Variants in TBC1D9 observed in about 807,000 individuals in gnomAD.
The protein encoded by TBC1D9 is TBC1 domain family member 9.
Under a neutral mutation model 132.0 loss-of-function variants are expected in TBC1D9, and 63 were observed. The observed-to-expected ratio is 0.48, with a 90% CI of 0.39 to 0.59. The LOEUF (loss-of-function observed/expected upper bound fraction) is 0.59, where lower values mean the gene tolerates loss of function less well. TBC1D9 is among the 20% of genes least tolerant of loss of function. The pLI is 0.00. For missense variants in TBC1D9, 1,261 were observed against 1,592.7 expected, an observed-to-expected ratio of 0.79 and a Z score of 3.54; for synonymous variants, 610 against 609.9, an observed-to-expected ratio of 1.00 and a Z score of 0.00.
chr4:140,714,987 C>T (rs920814842), intron 1 of TBC1D9, among the ~76,000 whole-genome samples: 1 of 151,982 alleles, frequency 6.6e-6, no homozygotes, highest in Non-Finnish European at 1.5e-5. Context: ...CCAGGTGTGG[C>T]GTTGTGCACC....
At chr4:140,736,327 G>A (rs1738672020) in intron 1 of TBC1D9, among the ~76,000 whole-genome samples, 1 of 152,052 alleles carries the variant, frequency 6.6e-6, no homozygotes, top group Admixed American at 6.6e-5. Flanking sequence ...GATCACTTGA[G>A]GTCAGGAGTT....
At chr4:140,742,626 GT>G in intron 1 of TBC1D9, among the ~76,000 whole-genome samples, 1 of 151,930 alleles carries the variant, frequency 6.6e-6, no homozygotes. Flanking sequence ...AAAGCAGAAG[GT>G]GGGTTATTGA....
intron 9 of TBC1D9, among the ~76,000 whole-genome samples, chr4:140,668,389 C>T (rs572763776): frequency 6.6e-6 from 1 of 152,304 alleles, no homozygotes; most frequent in South Asian, 2.1e-4. Context: ...TCTGAGTAAG[C>T]TTTTATTTCC....
At chr4:140,715,438 C>A (rs1444706051) in intron 1 of TBC1D9, among the ~76,000 whole-genome samples, 2 of 152,204 alleles carry the variant, frequency 1.3e-5, no homozygotes, top group Non-Finnish European at 2.9e-5. Flanking sequence ...CAAAGCCCAG[C>A]AAGTTGAATT....
At chr4:140,674,961 G>A (rs995151267) in intron 6 of TBC1D9, among the ~76,000 whole-genome samples, 7 of 152,016 alleles carry the variant, frequency 4.6e-5, no homozygotes, top group African/African-American at 1.4e-4. Flanking sequence ...CTCCTGCCCC[G>A]GCTTCCCAAA....
intron 1 of TBC1D9, among the ~76,000 whole-genome samples, chr4:140,716,386 G>A (rs1738334639): frequency 6.6e-6 from 1 of 151,964 alleles, no homozygotes; most frequent in South Asian, 2.1e-4. Context: ...AGCTACTTGG[G>A]AGGCTGAGGT....
chr4:140,634,301 G>C lies in TBC1D9; in HGVS notation c.2506-113C>G, dbSNP rs116227898. ...TAGGTGAATCTGTGTGCATCCCCTG[G>C]GGCAGGGCTGTGGCCTCAGGGCCCC... On this transcript the variant is annotated intron_variant, in intron 15 of 20. Coordinates refer to ENST00000442267, the MANE Select transcript of TBC1D9 (RefSeq NM_015130.3). The C allele has an allele frequency of 2.0e-3, 2,919 of 1,451,678 alleles. 53 individuals carry two copies. The African/African-American group carries it at 0.035, about 17-fold the overall frequency. 89.9% of individuals were successfully genotyped at this position (1,451,678 alleles called of 1,614,324 possible).
chr4:140,700,318 C>A (rs1343688344), intron 2 of TBC1D9, among the ~76,000 whole-genome samples: 2 of 151,444 alleles, frequency 1.3e-5, no homozygotes, highest in African/African-American at 4.9e-5. Flanking sequence ...GGCGTGGTGG[C>A]ATGAGCCTGT....
chr4:140,675,942 T>C (rs2111014867), intron 6 of TBC1D9, among the ~76,000 whole-genome samples: 1 of 152,290 alleles, frequency 6.6e-6, no homozygotes, highest in Admixed American at 6.5e-5. Flanking sequence ...GGGATTACCC[T>C]TCCCAGGGCT....
chr4:140,658,585 G>A (rs1381802242), intron 11 of TBC1D9, among the ~76,000 whole-genome samples: 2 of 151,934 alleles, frequency 1.3e-5, no homozygotes, highest in South Asian at 2.1e-4. Context: ...TGAGGCAGGC[G>A]GATCACCTGA....
At chr4:140,665,374 A>C (rs1040984631) in intron 9 of TBC1D9, among the ~76,000 whole-genome samples, 2 of 152,198 alleles carry the variant, frequency 1.3e-5, no homozygotes, top group Non-Finnish European at 2.9e-5. Context: ...ATATGTTTAA[A>C]AACTTTTACA....
intron 2 of TBC1D9, among the ~76,000 whole-genome samples, chr4:140,694,701 A>G (rs1303882374): frequency 1.3e-5 from 2 of 149,410 alleles, no homozygotes; most frequent in Admixed American, 6.7e-5. Context: ...ATATTTATAT[A>G]TACTGTAAAT....
chr4:140,709,983 G>A (rs982771523), intron 1 of TBC1D9, among the ~76,000 whole-genome samples: 2 of 152,188 alleles, frequency 1.3e-5, no homozygotes, highest in Admixed American at 6.5e-5. Flanking sequence ...TCTGCAGCCT[G>A]ACAGTCAGGA....
chr4:140,737,109 GC>G, intron 1 of TBC1D9, among the ~76,000 whole-genome samples: 1 of 152,278 alleles, frequency 6.6e-6, no homozygotes, highest in South Asian at 2.1e-4. Flanking sequence ...TCCCTTGCAT[GC>G]GCAGTGCACA....
intron 1 of TBC1D9, among the ~76,000 whole-genome samples, chr4:140,703,963 T>C (rs747421138): frequency 9.2e-5 from 14 of 152,172 alleles, no homozygotes; most frequent in Non-Finnish European, 1.2e-4. Context: ...CATAAATGCA[T>C]CACTCATAAT....
intron 1 of TBC1D9, among the ~76,000 whole-genome samples, chr4:140,731,525 C>T (rs1272659077): frequency 6.6e-6 from 1 of 152,000 alleles, no homozygotes; most frequent in Admixed American, 6.6e-5. Flanking sequence ...AAACCTGTCT[C>T]TATAAAAATA....
At chr4:140,682,515 G>C (rs140837710) in intron 3 of TBC1D9, among the ~76,000 whole-genome samples, 3 of 152,160 alleles carry the variant, frequency 2.0e-5, no homozygotes, top group African/African-American at 7.2e-5. Flanking sequence ...AATGCCTTTC[G>C]CAGTTGGCAA....
chr4:140,725,069 C>T (rs536876235), intron 1 of TBC1D9, among the ~76,000 whole-genome samples: 1 of 152,216 alleles, frequency 6.6e-6, no homozygotes, highest in East Asian at 1.9e-4. Flanking sequence ...ATTTTTTCCA[C>T]AAATATATTT....
intron 1 of TBC1D9, among the ~76,000 whole-genome samples, chr4:140,709,169 T>C (rs955272081): frequency 1.3e-5 from 2 of 151,464 alleles, no homozygotes; most frequent in African/African-American, 2.4e-5. Flanking sequence ...CCCTGTATCA[T>C]GGCTGCCTTC....
Sources: gnomAD v4.1 joint callset for allele counts (sites outside exome capture counted in the v4.1 genomes callset) on GRCh38, gnomAD v4.1.1 for gene constraint, MANE v1.5 for transcripts, NCBI Gene and HGNC (gene_info 2026-07-23, HGNC 2026-07-21) for gene names.